CYTH3: variants seen among roughly 807,000 people sequenced by gnomAD.
CYTH3 encodes the protein cytohesin 3.
In CYTH3, 23 loss-of-function variants were observed where a neutral mutation model predicts 55.1. That is an observed-to-expected ratio of 0.42 (90% CI 0.30 to 0.59). The LOEUF is 0.59. Ranked by LOEUF, CYTH3 falls within the 20% of genes least tolerant of loss-of-function variation. CYTH3 has a pLI of 0.20. For synonymous variants in CYTH3, 249 were observed against 194.9 expected, an observed-to-expected ratio of 1.28 and a Z score of -2.31; for missense variants, 413 against 524.8, an observed-to-expected ratio of 0.79 and a Z score of 2.08.
At chr7:6,252,613 GAAC>G (rs937354109) in intron 1 of CYTH3, among the ~76,000 whole-genome samples, 5 of 151,940 alleles carry the variant, frequency 3.3e-5, no homozygotes, top group Non-Finnish European at 5.9e-5. Flanking sequence ...CCGGATACAT[GAAC>G]AACAACAAAA....
chr7:6,204,288 T>C (rs1480679320), intron 1 of CYTH3, among the ~76,000 whole-genome samples: 6 of 152,046 alleles, frequency 3.9e-5, no homozygotes, highest in Non-Finnish European at 7.4e-5. Context: ...TTTCAAAGGA[T>C]TGGTGTAGTG....
intron 1 of CYTH3, among the ~76,000 whole-genome samples, chr7:6,209,079 A>G (rs940944535): frequency 4.6e-5 from 7 of 152,250 alleles, no homozygotes; most frequent in African/African-American, 1.4e-4. Context: ...CATGAATGCA[A>G]CAGATAGAGA....
Position 6,163,403 on chromosome 7 carries a change from T to C in CYTH3, c.*1541A>G, listed in dbSNP as rs377336829. 3 of 152,846 alleles carry C rather than the reference T, an allele frequency of 2.0e-5. No homozygotes were observed. Among genetic ancestry groups the C allele is most frequent in the South Asian group, 2.1e-4 (1 of 4,834 alleles). The allele number at this position is 152,846 out of a possible 1,614,324, so 9.5% of individuals were successfully genotyped here. ...AGGTGGGGCAGGAAGAGGAAGTCCA[T>C]AGAGGAAAAGCCAGCCACCAACCCA... On this transcript the variant is annotated 3_prime_UTR_variant, in exon 13 of 13. Transcript: ENST00000350796.
intron 1 of CYTH3, among the ~76,000 whole-genome samples, chr7:6,265,077 C>G (rs947933114): frequency 1.3e-5 from 2 of 152,164 alleles, no homozygotes; most frequent in African/African-American, 4.8e-5. Flanking sequence ...TGCACAGGCA[C>G]TGAGGCAGGA....
intron 1 of CYTH3, among the ~76,000 whole-genome samples, chr7:6,266,718 C>CT (rs924058886): frequency 4.6e-5 from 7 of 152,224 alleles, no homozygotes; most frequent in African/African-American, 1.7e-4. Context: ...CGGGCTTTCC[C>CT]TACACCTCTC....
At chr7:6,191,567 T>C (rs1783805084) in intron 1 of CYTH3, among the ~76,000 whole-genome samples, 1 of 151,722 alleles carries the variant, frequency 6.6e-6, no homozygotes, top group South Asian at 2.1e-4. Flanking sequence ...AGAATTTTTT[T>C]TATAATTTCA....
intron 1 of CYTH3, among the ~76,000 whole-genome samples, chr7:6,191,558 G>T (rs1783804657): frequency 6.8e-6 from 1 of 146,648 alleles, no homozygotes; most frequent in Non-Finnish European, 1.5e-5. Context: ...AAATACAGGA[G>T]AATTTTTTTT....
At chr7:6,228,313 C>T (rs1292707297) in intron 1 of CYTH3, among the ~76,000 whole-genome samples, 6 of 152,208 alleles carry the variant, frequency 3.9e-5, no homozygotes, top group African/African-American at 9.7e-5. Context: ...TATACATTTG[C>T]TTTAAAGCTT....
intron 1 of CYTH3, among the ~76,000 whole-genome samples, chr7:6,271,374 C>T (rs961929319): frequency 6.6e-6 from 1 of 152,164 alleles, no homozygotes; most frequent in African/African-American, 2.4e-5. Flanking sequence ...CTGATTCTTA[C>T]AGGCAGCTGC....
intron 5 of CYTH3, 95 bp from the exon 6 acceptor site, chr7:6,173,828 T>C (rs1011722371): frequency 2.2e-5 from 17 of 773,040 alleles, no homozygotes; most frequent in Non-Finnish European, 3.7e-5. Context: ...TGAACGTTCA[T>C]GCACAAGTTT....
chr7:6,247,179 C>A (rs1779841790), intron 1 of CYTH3, among the ~76,000 whole-genome samples: 1 of 152,226 alleles, frequency 6.6e-6, no homozygotes, highest in African/African-American at 2.4e-5. Context: ...AAATTAACAA[C>A]AATTAGTGTG....
intron 1 of CYTH3, among the ~76,000 whole-genome samples, chr7:6,193,328 G>T (rs1348953816): frequency 6.7e-6 from 1 of 148,634 alleles, no homozygotes; most frequent in Non-Finnish European, 1.5e-5. Flanking sequence ...ACTGAGCCAA[G>T]ATCGTGCCAC....
chr7:6,225,782 CG>C (rs1779235167), intron 1 of CYTH3, among the ~76,000 whole-genome samples: 1 of 151,800 alleles, frequency 6.6e-6, no homozygotes, highest in African/African-American at 2.4e-5. Flanking sequence ...TGGGTTCAAG[CG>C]GTTCTCCTGC....
chr7:6,198,988 G>C (rs1308633016), intron 1 of CYTH3, among the ~76,000 whole-genome samples: 1 of 152,222 alleles, frequency 6.6e-6, no homozygotes, highest in Non-Finnish European at 1.5e-5. Flanking sequence ...AAGAGAATGA[G>C]TCTGTGCAGC....
At chr7:6,201,901 A>C in intron 1 of CYTH3, among the ~76,000 whole-genome samples, 1 of 152,232 alleles carries the variant, frequency 6.6e-6, no homozygotes, top group Non-Finnish European at 1.5e-5. Flanking sequence ...TAATCCAAAA[A>C]AAGGCAAGGA....
At position 6,169,699 on chromosome 7, in the gene CYTH3, A is replaced by G. The variant is rs188423987; in HGVS notation, c.823+836T>C. Among the ~76,000 whole-genome samples the G allele has an allele frequency of 6.6e-6, 1 of 152,148 alleles. No individual in the cohort carries two copies. The highest frequency in any genetic ancestry group is 1.9e-4 in the East Asian group (1 of 5,168). On this transcript the variant is annotated intron_variant, in intron 9 of 12. Coordinates refer to ENST00000350796, the MANE Select transcript of CYTH3 (RefSeq NM_004227.4). The surrounding 1 kb of genome is among the most constrained non-coding windows in gnomAD (Gnocchi z 4.1). The stretch of plus-strand genomic sequence containing the variant: ...CTCAGCATTTCTAAAACTGCCCGTA[A>G]TTGCCCTAAATTGCTCCAAAGGCCT...
At chr7:6,179,760 C>CA (rs1783446764) in intron 4 of CYTH3, among the ~76,000 whole-genome samples, 1 of 110,410 alleles carries the variant, frequency 9.1e-6, no homozygotes, top group Non-Finnish European at 1.8e-5. Context: ...CACACCCCCA[C>CA]CACACACACC....
chr7:6,216,272 GAC>G (rs1784423364), intron 1 of CYTH3, among the ~76,000 whole-genome samples: 1 of 152,100 alleles, frequency 6.6e-6, no homozygotes, highest in African/African-American at 2.4e-5. Flanking sequence ...GACAGTGAGG[GAC>G]ACAGAGGGAG....
At chr7:6,200,654 A>G (rs1784038292) in intron 1 of CYTH3, among the ~76,000 whole-genome samples, 1 of 152,228 alleles carries the variant, frequency 6.6e-6, no homozygotes, top group African/African-American at 2.4e-5. Flanking sequence ...ATGGGCTTTG[A>G]GCACTAGTCC....
Sources: gnomAD v4.1 joint callset for allele counts (sites outside exome capture counted in the v4.1 genomes callset) on GRCh38, gnomAD v4.1.1 for gene constraint, Gnocchi (gnomAD v3.1) non-coding constraint, MANE v1.5 for transcripts, NCBI Gene and HGNC (gene_info 2026-07-23, HGNC 2026-07-21) for gene names.